The following ALOX5 variants were observed in gnomAD, a reference collection of about 807,000 sequenced individuals.
ALOX5 encodes polyunsaturated fatty acid 5-lipoxygenase.
ALOX5 carries 64 observed loss-of-function variants against 87.9 expected under a neutral mutation model. The ratio of observed to expected loss-of-function variants is 0.73; its 90% CI spans 0.60 to 0.90. The LOEUF (loss-of-function observed/expected upper bound fraction) is 0.90, where lower values mean the gene tolerates loss of function less well. Ranked by LOEUF, ALOX5 falls within the 40% of genes least tolerant of loss-of-function variation. ALOX5 has a pLI of 0.00. For missense variants in ALOX5, 822 were observed against 907.5 expected (o/e 0.91, Z 1.21); for synonymous variants, 388 against 355.1 (o/e 1.09, Z -1.04).
At chr10:45,423,998 G>A (rs1841599498) in intron 4 of ALOX5, 43 bp from the exon 5 acceptor site, 3 of 1,483,432 alleles carry the variant, frequency 2.0e-6, no homozygotes, top group South Asian at 2.3e-5. Flanking sequence ...GCAGAGGGAG[G>A]CATGGCTAGT....
intron 7 of ALOX5, among the ~76,000 whole-genome samples, chr10:45,438,403 C>CTGTCAAAGTG (rs775918370): frequency 1.6e-4 from 25 of 152,148 alleles, no homozygotes; most frequent in Non-Finnish European, 3.2e-4. Flanking sequence ...ATCTGCCTTG[C>CTGTCAAAGTG]AGGGTCAAAG....
intron 4 of ALOX5, among the ~76,000 whole-genome samples, chr10:45,413,164 C>T (rs994575029): frequency 2.0e-5 from 3 of 151,902 alleles, no homozygotes; most frequent in East Asian, 3.9e-4. Context: ...GACCAATATC[C>T]CTGATGAACA....
At chr10:45,442,775 A>C in intron 9 of ALOX5, 2 of 452,544 alleles carry the variant, frequency 4.4e-6, no homozygotes, top group Non-Finnish European at 3.9e-6. Flanking sequence ...TGTGGCTGGG[A>C]GCGCACCCTT....
At chr10:45,432,360 TAAA>T (rs35877893) in intron 7 of ALOX5, among the ~76,000 whole-genome samples, 1 of 132,976 alleles carries the variant, frequency 7.5e-6, no homozygotes, top group Non-Finnish European at 1.6e-5. Flanking sequence ...ACCCTATCTT[TAAA>T]AAAAAAAAAA....
intron 4 of ALOX5, among the ~76,000 whole-genome samples, chr10:45,418,268 T>C (rs1405296298): frequency 6.6e-6 from 1 of 151,820 alleles, no homozygotes; most frequent in African/African-American, 2.4e-5. Context: ...GAGGGGTGCC[T>C]GGGAGAGGGC....
At chr10:45,428,484 G>C (rs1841805799) in intron 6 of ALOX5, 134 bp from the exon 7 acceptor site, 1 of 1,123,324 alleles carries the variant, frequency 8.9e-7, no homozygotes, top group African/African-American at 1.5e-5. Context: ...TCAGAGGAGA[G>C]AAGTACACAT....
Position 45,445,447 on chromosome 10 carries a change from G to C in ALOX5, c.1846-61G>C, listed in dbSNP as rs951602208. 6 of 1,566,986 alleles carry C rather than the reference G, an allele frequency of 3.8e-6. No individual in the cohort carries two copies. The East Asian group carries it at 1.4e-4, about 36-fold the overall frequency. On this transcript the variant is annotated intron_variant, in intron 13 of 13. Coordinates refer to ENST00000374391, the MANE Select transcript of ALOX5 (RefSeq NM_000698.5). Reference sequence around the variant, plus strand: ...TGGCTGGCCCCTTGGGATGAGACAGGCCTGTCAGTTTACACGGGTAGTGGA... The same window carrying C: ...TGGCTGGCCCCTTGGGATGAGACAGCCCTGTCAGTTTACACGGGTAGTGGA...
chr10:45,414,601 A>G (rs1841201238), intron 4 of ALOX5, among the ~76,000 whole-genome samples: 1 of 152,216 alleles, frequency 6.6e-6, no homozygotes, highest in Non-Finnish European at 1.5e-5. Flanking sequence ...ATCTAATTAA[A>G]CTAAAGAGCT....
At chr10:45,419,090 G>T (rs1469068143) in intron 4 of ALOX5, among the ~76,000 whole-genome samples, 1 of 152,188 alleles carries the variant, frequency 6.6e-6, no homozygotes, top group Non-Finnish European at 1.5e-5. Context: ...CGTAGGAAAC[G>T]CCAGTCTGTG....
At chr10:45,403,506 C>T (rs1000019056) in intron 3 of ALOX5, among the ~76,000 whole-genome samples, 6 of 152,010 alleles carry the variant, frequency 3.9e-5, no homozygotes, top group Admixed American at 3.3e-4. Flanking sequence ...GGTGAGGGTA[C>T]GGACAATGTT....
At chr10:45,411,244 C>T (rs959980702) in intron 3 of ALOX5, among the ~76,000 whole-genome samples, 2 of 152,078 alleles carry the variant, frequency 1.3e-5, no homozygotes, top group Admixed American at 6.5e-5. Flanking sequence ...GGGTTTTGGC[C>T]GGCTTCTTTA....
At chr10:45,394,767 C>CA (rs1840436640) in intron 2 of ALOX5, among the ~76,000 whole-genome samples, 1 of 149,018 alleles carries the variant, frequency 6.7e-6, no homozygotes, top group Admixed American at 6.6e-5. Flanking sequence ...AAGAAAAAAA[C>CA]AAACAACCCC....
intron 3 of ALOX5, among the ~76,000 whole-genome samples, chr10:45,409,468 A>G (rs1038185223): frequency 4.6e-5 from 7 of 151,572 alleles, no homozygotes; most frequent in South Asian, 4.2e-4. Context: ...TTACACTCCA[A>G]TTATACTAAC....
chr10:45,377,528 C>T (rs1260632611), intron 1 of ALOX5, among the ~76,000 whole-genome samples: 1 of 152,144 alleles, frequency 6.6e-6, no homozygotes, highest in African/African-American at 2.4e-5. Context: ...CATTTTCCCC[C>T]TTCTCTGCCC....
intron 7 of ALOX5, among the ~76,000 whole-genome samples, chr10:45,434,738 A>G (rs969183017): frequency 1.3e-5 from 2 of 152,238 alleles, no homozygotes; most frequent in Non-Finnish European, 2.9e-5. Context: ...GAACACAGTG[A>G]TGGCCCAGTG....
At chr10:45,440,096 C>G (rs950677629) in intron 7 of ALOX5, among the ~76,000 whole-genome samples, 1 of 152,178 alleles carries the variant, frequency 6.6e-6, no homozygotes, top group African/African-American at 2.4e-5. Context: ...CGATCCTCCC[C>G]CTCCGCTGCT....
chr10:45,443,430 TGGTA>T lies in ALOX5; in HGVS notation c.1468_1471del (p.Val490ThrfsTer20). 1.9e-6 allele frequency: 3 copies of T among 1,606,944 alleles called. No individual in the cohort carries two copies. Among genetic ancestry groups the T allele is most frequent in the Non-Finnish European group, 2.5e-6 (3 of 1,177,092 alleles). On this transcript the variant is annotated frameshift_variant, in exon 11 of 14. Transcript: ENST00000374391. LOFTEE classifies it high-confidence loss of function. ...CCCTGAGCCAGGTTCACGGCCGAGG[TGGTA>T]GACATCTACTACGAGGGCGACCAGG...
chr10:45,444,335 C>T (rs933662173), intron 13 of ALOX5, 49 bp downstream of exon 13: 42 of 1,507,246 alleles, frequency 2.8e-5, no homozygotes, highest in South Asian at 3.8e-5. Flanking sequence ...CCAGGTTAAG[C>T]GGTTCCTCAG....
intron 2 of ALOX5, 108 bp from the exon 3 acceptor site, chr10:45,395,747 A>T: frequency 1.1e-6 from 1 of 901,006 alleles, no homozygotes; most frequent in African/African-American, 1.6e-5. Flanking sequence ...GGTCATGCAC[A>T]TAAAGCACTC....
Sources: gnomAD v4.1 joint callset for allele counts (sites outside exome capture counted in the v4.1 genomes callset) on GRCh38, gnomAD v4.1.1 for gene constraint, MANE v1.5 for transcripts, NCBI Gene and HGNC (gene_info 2026-07-23, HGNC 2026-07-21) for gene names.